Variants in ARHGAP6 observed in about 807,000 individuals in gnomAD.
ARHGAP6 encodes the protein rho GTPase-activating protein 6.
Under a neutral mutation model 55.7 loss-of-function variants are expected in ARHGAP6, and 16 were observed. The observed-to-expected ratio is 0.29, with a 90% confidence interval of 0.19 to 0.44. ARHGAP6 has a LOEUF of 0.44. Among genes scored for constraint, ARHGAP6 ranks in the 20% least tolerant of loss-of-function variants. The probability of loss-of-function intolerance (pLI) is 1.00; values close to 1 mark genes in which losing one functional copy is unlikely to be tolerated. For synonymous variants in ARHGAP6, 382 were observed against 360.9 expected (o/e 1.06, Z -0.66); for missense variants, 698 against 808.9 (o/e 0.86, Z 1.66).
At chrX:11,509,994 A>C (rs1376340708) in intron 1 of ARHGAP6, among the ~76,000 whole-genome samples, 1 of 112,101 alleles carries the variant, frequency 8.9e-6, no homozygotes, top group Non-Finnish European at 1.9e-5. Context: ...CAAACAAAGA[A>C]AATTCAGAGA....
At chrX:11,302,772 T>C (rs149536248) in intron 1 of ARHGAP6, among the ~76,000 whole-genome samples, 3,528 of 110,815 alleles carry the variant, frequency 0.032, 61 homozygotes, top group Non-Finnish European at 0.049. Flanking sequence ...GTGGTTATGG[T>C]ATTCATTATC....
At chrX:11,332,222 T>C (rs2048570871) in intron 1 of ARHGAP6, among the ~76,000 whole-genome samples, 2 of 112,203 alleles carry the variant, frequency 1.8e-5, no homozygotes, top group African/African-American at 6.5e-5. Flanking sequence ...AAATATGCTT[T>C]CTCTGAATAA....
intron 1 of ARHGAP6, among the ~76,000 whole-genome samples, chrX:11,426,148 C>T (rs183236274): frequency 6.5e-4 from 73 of 111,941 alleles, no homozygotes; most frequent in Non-Finnish European, 1.1e-3. Flanking sequence ...GTTCCTGGAA[C>T]GTTTGCCTGG....
chrX:11,520,184 T>G (rs1237122058), intron 1 of ARHGAP6, among the ~76,000 whole-genome samples: 1 of 80,979 alleles, frequency 1.2e-5, no homozygotes, highest in African/African-American at 4.5e-5. Flanking sequence ...TATATTACTT[T>G]AAGTTCTAGG....
chrX:11,425,742 T>C (rs1181206662), intron 1 of ARHGAP6, among the ~76,000 whole-genome samples: 1 of 112,684 alleles, frequency 8.9e-6, no homozygotes, highest in Non-Finnish European at 1.9e-5. Flanking sequence ...AATTTTAAAA[T>C]ATTTTTGTAA....
At chrX:11,249,773 A>C (rs1047161547) in intron 2 of ARHGAP6, among the ~76,000 whole-genome samples, 2 of 112,260 alleles carry the variant, frequency 1.8e-5, no homozygotes, top group African/African-American at 6.5e-5. Flanking sequence ...CAAATGTGCT[A>C]TAAAGTTTAG....
chrX:11,617,487 T>C (rs2052179833), intron 1 of ARHGAP6, among the ~76,000 whole-genome samples: 2 of 111,852 alleles, frequency 1.8e-5, no homozygotes, highest in South Asian at 7.6e-4. Flanking sequence ...CTGCCAAAGA[T>C]TTCCACTAAA....
At chrX:11,198,594 A>C (rs1257758355) in intron 2 of ARHGAP6, among the ~76,000 whole-genome samples, 2 of 112,526 alleles carry the variant, frequency 1.8e-5, no homozygotes, top group African/African-American at 6.5e-5. Flanking sequence ...CAGCAGAATA[A>C]CTAAACCATC....
chrX:11,298,229 T>A, intron 1 of ARHGAP6: 2 of 1,211,525 alleles, frequency 1.7e-6, no homozygotes, highest in Non-Finnish European at 2.2e-6. Flanking sequence ...TATCTTTTTC[T>A]CTTAAGGTGC....
Position 11,169,527 on chromosome X carries a change from T to G in ARHGAP6, c.1787A>C (p.Glu596Ala), listed in dbSNP as rs2046059939. 1 of 1,199,522 alleles carries G rather than the reference T, an allele frequency of 8.3e-7. No individual in the cohort carries two copies. Among genetic ancestry groups the G allele is most frequent in the East Asian group, 3.0e-5 (1 of 33,155 alleles). Residue 596 changes from glutamate (E) to alanine (A), a missense_variant, in exon 9 of 13, where the codon GAA becomes GCA. This residue lies in a region of ARHGAP6 where 322 missense variants were observed against 451.1 expected (regional missense o/e 0.71). Coordinates refer to ENST00000337414, the MANE Select transcript of ARHGAP6 (RefSeq NM_013427.3). ...AIIAVVQKMI[E>A]NYEALFMVPP... is the part of the protein sequence containing the mutation. ...TACCATGAACAGGGCTTCATAATTT[T>G]CAATCATCTTTTGCACAACAGCGAT...
At chrX:11,155,091 C>T (rs975791511) in intron 10 of ARHGAP6, among the ~76,000 whole-genome samples, 10 of 111,739 alleles carry the variant, frequency 8.9e-5, no homozygotes, top group African/African-American at 2.3e-4. Context: ...GTGCTATCAA[C>T]GTAATGACCT....
At chrX:11,340,601 C>T (rs112482653) in intron 1 of ARHGAP6, among the ~76,000 whole-genome samples, 1,744 of 104,765 alleles carry the variant, frequency 0.017, 30 homozygotes, top group African/African-American at 0.028. Context: ...TAGTGGCGGG[C>T]GCCTGTAGTC....
chrX:11,296,940 T>C lies in ARHGAP6; in HGVS notation c.589-42233A>G. The C allele has an allele frequency of 1.0e-5, 10 of 999,027 alleles. No individual in the cohort carries two copies. In the South Asian group the frequency reaches 2.0e-4, roughly 20 times the overall value. 82.3% of individuals were successfully genotyped at this position (999,027 alleles called of 1,213,427 possible). On this transcript the variant is annotated intron_variant, in intron 1 of 12. Coordinates refer to ENST00000337414, the MANE Select transcript of ARHGAP6 (RefSeq NM_013427.3). ...AGATGTTTCTCAAGTGGTCCTGATT[T>C]TACAGTTCCTACCACCAGCTTCCCA...
chrX:11,608,966 G>A (rs774609466), intron 1 of ARHGAP6, among the ~76,000 whole-genome samples: 24 of 111,435 alleles, frequency 2.2e-4, no homozygotes, highest in African/African-American at 6.9e-4. Context: ...CCACCTATGG[G>A]GCACCAGGAA....
chrX:11,196,058 T>G, intron 3 of ARHGAP6, among the ~76,000 whole-genome samples: 1 of 103,211 alleles, frequency 9.7e-6, no homozygotes, highest in African/African-American at 3.6e-5. Context: ...GGCATGAACC[T>G]GGAAGGTGGA....
At chrX:11,539,161 G>A (rs2051132752) in intron 1 of ARHGAP6, among the ~76,000 whole-genome samples, 1 of 111,585 alleles carries the variant, frequency 9.0e-6, no homozygotes, top group Admixed American at 9.5e-5. Context: ...CTGGCCCACT[G>A]TGTGCCTTTT....
intron 1 of ARHGAP6, among the ~76,000 whole-genome samples, chrX:11,339,739 C>G (rs918517812): frequency 9.0e-6 from 1 of 111,604 alleles, no homozygotes; most frequent in African/African-American, 3.3e-5. Flanking sequence ...ACATGCATAT[C>G]CCCATCTAGG....
chrX:11,649,982 CTTTCT>C lies in ARHGAP6; in HGVS notation c.588+14254_588+14258del, dbSNP rs201258812. ...GTTAATTTTCTTCTTGACCATTCAA[CTTTCT>C]TTTCTTTTTTTTTTTTTTTTTTCCT... On this transcript the variant is annotated intron_variant, in intron 1 of 12. Transcript: ENST00000337414. 5.5e-3 allele frequency among the ~76,000 whole-genome samples: 572 copies of C among 104,198 alleles called. 3 individuals carry two copies. Among genetic ancestry groups the C allele is most frequent in the African/African-American group, 0.019 (550 of 29,006 alleles). 90.5% of individuals were successfully genotyped at this position (104,198 alleles called of 115,157 possible).
chrX:11,585,940 C>T (rs1249328886), intron 1 of ARHGAP6, among the ~76,000 whole-genome samples: 1 of 111,395 alleles, frequency 9.0e-6, no homozygotes, highest in African/African-American at 3.3e-5. Flanking sequence ...AGGTACTACA[C>T]ACTTTTATAC....
Sources: allele counts gnomAD v4.1 joint callset (sites outside exome capture counted in the v4.1 genomes callset), GRCh38; gene constraint gnomAD v4.1.1; regional missense constraint gnomAD v4.1.1; transcripts MANE v1.5; gene names NCBI Gene and HGNC (gene_info 2026-07-23, HGNC 2026-07-21).